Variants in COL27A1 observed in about 807,000 individuals in gnomAD.
COL27A1 encodes the protein collagen type XXVII alpha 1 chain.
Under a neutral mutation model 251.3 loss-of-function variants are expected in COL27A1, and 106 were observed. The observed-to-expected ratio is 0.42, with a 90% CI of 0.36 to 0.50. COL27A1 has a LOEUF of 0.50. Among genes scored for constraint, COL27A1 ranks in the 20% least tolerant of loss-of-function variants. The pLI is 0.00. For synonymous variants in COL27A1, 1,000 were observed against 986.3 expected (o/e 1.01, Z -0.26); for missense variants, 2,325 against 2,522.8 (o/e 0.92, Z 1.68).
At chr9:114,277,434 A>T (rs1319727808) in intron 37 of COL27A1, among the ~76,000 whole-genome samples, 1 of 152,154 alleles carries the variant, frequency 6.6e-6, no homozygotes, top group Non-Finnish European at 1.5e-5. Flanking sequence ...AAAGCAGCCC[A>T]GTTTGATTCA....
At chr9:114,286,229 C>T (rs996309712) in intron 41 of COL27A1, among the ~76,000 whole-genome samples, 24 of 152,170 alleles carry the variant, frequency 1.6e-4, no homozygotes, top group Admixed American at 3.9e-4. Flanking sequence ...AGAGCAGCTT[C>T]CTGGGGTGAC....
At chr9:114,265,255 A>G in intron 31 of COL27A1, 145 bp downstream of exon 31, 1 of 1,106,132 alleles carries the variant, frequency 9.0e-7, no homozygotes, top group Non-Finnish European at 1.3e-6. Context: ...CCTGCCCTGC[A>G]CTGAAGCTCC....
At position 114,249,042 on chromosome 9, in the gene COL27A1, G is replaced by A. The variant is rs575272539; in HGVS notation, c.2980-1573G>A. Among the ~76,000 whole-genome samples, 467 of 152,300 alleles carry A rather than the reference G, an allele frequency of 3.1e-3. 2 individuals carry two copies. Among genetic ancestry groups the A allele is most frequent in the South Asian group, 4.8e-3 (23 of 4,822 alleles). On this transcript the variant is annotated intron_variant, in intron 24 of 60. Coordinates refer to ENST00000356083, the MANE Select transcript of COL27A1 (RefSeq NM_032888.4). ...TGCACCATCTCCCGTATTCGGAACA[G>A]TGCCAGGAAGTAGGGAGGTACCTTT... is the stretch of plus-strand genomic sequence containing the variant.
Position 114,155,864 on chromosome 9 carries a change from T to A in COL27A1, c.-87T>A. On this transcript the variant is annotated 5_prime_UTR_variant, in exon 1 of 61. Coordinates refer to ENST00000356083, the MANE Select transcript of COL27A1 (RefSeq NM_032888.4). This position sits in a 1 kb window ranked among gnomAD's most constrained non-coding sequence, Gnocchi z 5.5. The stretch of plus-strand genomic sequence containing the variant: ...GGGGGCCGCGCGCTCTAAGCCGGCC[T>A]GGCGCGGCGGGGCGGGGGGCTGGCG... 3.9e-6 allele frequency: 4 copies of A among 1,038,754 alleles called. No homozygotes were observed. Among genetic ancestry groups the A allele is most frequent in the Non-Finnish European group, 4.7e-6 (4 of 855,630 alleles). 64.3% of individuals were successfully genotyped at this position (1,038,754 alleles called of 1,614,324 possible). A position where few individuals can be genotyped will look rare whatever the true frequency, so the allele number is the denominator to read the frequency against.
rs76570678 is a variant in COL27A1, at chr9:114,245,031, C to T, written c.2935-835C>T. Among the ~76,000 whole-genome samples, 996 of 152,202 alleles carry T rather than the reference C, an allele frequency of 6.5e-3. 13 individuals are homozygous for T. Among genetic ancestry groups the T allele is most frequent in the African/African-American group, 0.022 (921 of 41,514 alleles). Reference sequence around the variant, plus strand: ...AGAGATGGGACTCACCCCAGCCACCCGTGAGCTGGTGGCAGAGCTCTAGTG... The same window carrying T: ...AGAGATGGGACTCACCCCAGCCACCTGTGAGCTGGTGGCAGAGCTCTAGTG... On this transcript the variant is annotated intron_variant, in intron 23 of 60. Coordinates refer to ENST00000356083, the MANE Select transcript of COL27A1 (RefSeq NM_032888.4).
At chr9:114,231,786 G>C in intron 15 of COL27A1, 36 bp from the exon 16 acceptor site, 1 of 1,612,818 alleles carries the variant, frequency 6.2e-7, no homozygotes, top group Non-Finnish European at 8.5e-7. Context: ...GTGGCCTAGA[G>C]TCCCATCACA....
rs202158550 is a variant in COL27A1 at position 114,288,696 on chromosome 9, A to T, written c.4045-6A>T. ...CCCAAATTTTGCTGTTGTCTTTGTCATTCAGGGCCCTGTGGGTGATCGAGG... is the reference window on the plus strand; with the variant it reads ...CCCAAATTTTGCTGTTGTCTTTGTCTTTCAGGGCCCTGTGGGTGATCGAGG... On this transcript the variant is annotated splice_region_variant and splice_polypyrimidine_tract_variant and intron_variant, in intron 42 of 60. Coordinates refer to ENST00000356083, the MANE Select transcript of COL27A1 (RefSeq NM_032888.4). 2 of 1,607,978 alleles carry T rather than the reference A, an allele frequency of 1.2e-6. No homozygotes were observed. Among genetic ancestry groups the T allele is most frequent in the Non-Finnish European group, 1.7e-6 (2 of 1,175,350 alleles).
Position 114,310,772 on chromosome 9 carries a change from A to C in COL27A1, c.*77A>C. 6.6e-7 allele frequency: 1 copy of C among 1,523,972 alleles called. No individual in the cohort carries two copies. Among genetic ancestry groups the C allele is most frequent in the Non-Finnish European group, 9.0e-7 (1 of 1,111,312 alleles). The allele number at this position is 1,523,972 out of a possible 1,614,324, so 94.4% of individuals were successfully genotyped here. On this transcript the variant is annotated 3_prime_UTR_variant, in exon 61 of 61. Transcript: ENST00000356083. ...GCAAGGGGAGGGTACTGAGGGGCAG[A>C]TGGCTCCAGGAGAGGCAGCTCCCCT...
At chr9:114,219,026 C>T (rs951276424) in intron 12 of COL27A1, among the ~76,000 whole-genome samples, 8 of 151,908 alleles carry the variant, frequency 5.3e-5, no homozygotes, top group African/African-American at 1.2e-4. Context: ...GAACAGGTTT[C>T]CCCCAACTCC....
At chr9:114,170,306 T>C (rs1849219351) in intron 3 of COL27A1, among the ~76,000 whole-genome samples, 1 of 152,196 alleles carries the variant, frequency 6.6e-6, no homozygotes, top group African/African-American at 2.4e-5. Flanking sequence ...GGTCGATGCC[T>C]CCGGCTTGCC....
chr9:114,289,944 T>C, intron 45 of COL27A1, 114 bp from the exon 46 acceptor site: 1 of 1,175,206 alleles, frequency 8.5e-7, no homozygotes, highest in Non-Finnish European at 1.3e-6. Context: ...GGTACATCTG[T>C]GGCATCAGAT....
intron 60 of COL27A1, 97 bp from the exon 61 acceptor site, chr9:114,310,452 C>A: frequency 7.6e-7 from 1 of 1,308,122 alleles, no homozygotes; most frequent in Non-Finnish European, 1.1e-6. Context: ...ACAGTATAGC[C>A]ATTAAAAATT....
rs533483887 is a variant in COL27A1, at chr9:114,254,944, G to A, written c.3141+2012G>A. On this transcript the variant is annotated intron_variant, in intron 27 of 60. Coordinates refer to ENST00000356083, the MANE Select transcript of COL27A1 (RefSeq NM_032888.4). ...GCCAGGCCATGCCAGGGGCCGAGGA[G>A]GTAGAGGGGTGGACTAGTCCAAGGG... Among the ~76,000 whole-genome samples the A allele has an allele frequency of 4.6e-5, 7 of 152,324 alleles. No homozygotes were observed. The East Asian group carries it at 1.4e-3, about 29-fold the overall frequency.
At chr9:114,214,633 T>C (rs1004603125) in intron 12 of COL27A1, among the ~76,000 whole-genome samples, 2 of 152,204 alleles carry the variant, frequency 1.3e-5, no homozygotes, top group Non-Finnish European at 2.9e-5. Context: ...CACAGCAAGT[T>C]GTTGGCAAAG....
intron 29 of COL27A1, 29 bp from the exon 30 acceptor site, chr9:114,264,895 C>A: frequency 6.2e-7 from 1 of 1,604,942 alleles, no homozygotes; most frequent in Non-Finnish European, 8.5e-7. Context: ...AGCACCCTCT[C>A]CCACCTTCAC....
At chr9:114,219,982 CA>C (rs1830965252) in intron 13 of COL27A1, 138 bp downstream of exon 13, 1 of 688,582 alleles carries the variant, frequency 1.5e-6, no homozygotes, top group South Asian at 1.6e-5. Context: ...CACCCTTGGA[CA>C]AATTACATGA....
At position 114,168,160 on chromosome 9, in the gene COL27A1, T is replaced by C; in HGVS notation, c.605T>C (p.Met202Thr). The change falls in exon 3 of 61, where the codon ATG (methionine) becomes ACG (threonine). Residue 202 changes from methionine (M) to threonine (T), a missense_variant. This residue lies in a region of COL27A1 where 1,183 missense variants were observed against 1,144.1 expected (regional missense o/e 1.03). Coordinates refer to ENST00000356083, the MANE Select transcript of COL27A1 (RefSeq NM_032888.4). ...DPGGSFLFGK[M>T]NPHAVQFEGA... ...GGGGGCTCCTTCCTCTTTGGGAAGA[T>C]GAACCCGCATGCAGTCCAGTTTGAA... 1.2e-6 allele frequency: 2 copies of C among 1,613,570 alleles called. No homozygotes were observed. Among genetic ancestry groups the C allele is most frequent in the Non-Finnish European group, 1.7e-6 (2 of 1,180,014 alleles).
At chr9:114,270,386 A>G (rs900576259) in intron 35 of COL27A1, among the ~76,000 whole-genome samples, 1 of 152,220 alleles carries the variant, frequency 6.6e-6, no homozygotes, top group African/African-American at 2.4e-5. Context: ...CCAGCCAACC[A>G]GCCTAGAGAT....
At chr9:114,289,204 C>G in intron 44 of COL27A1, 38 bp from the exon 45 acceptor site, 1 of 1,402,818 alleles carries the variant, frequency 7.1e-7, no homozygotes, top group Non-Finnish European at 9.5e-7. Flanking sequence ...GGGAGAGAAT[C>G]CTGGGGCTGC....
Sources: gnomAD v4.1 joint callset for allele counts (sites outside exome capture counted in the v4.1 genomes callset) on GRCh38, gnomAD v4.1.1 for gene constraint, gnomAD v4.1.1 regional missense constraint, Gnocchi (gnomAD v3.1) non-coding constraint, MANE v1.5 for transcripts, NCBI Gene and HGNC (gene_info 2026-07-23, HGNC 2026-07-21) for gene names.